The following FOXN2 variants were observed in gnomAD, a reference collection of about 807,000 sequenced individuals.
FOXN2 encodes the protein forkhead box protein N2.
Under a neutral mutation model 41.2 loss-of-function variants are expected in FOXN2, and 19 were observed. That is an observed-to-expected ratio of 0.46 (90% CI 0.32 to 0.68). The LOEUF (loss-of-function observed/expected upper bound fraction) is 0.68. Ranked by LOEUF, FOXN2 falls within the 30% of genes least tolerant of loss-of-function variation. The pLI, the probability that FOXN2 is intolerant of heterozygous loss-of-function variation, is 0.03. For synonymous variants in FOXN2, 195 were observed against 176.8 expected, an observed-to-expected ratio of 1.10 and a Z score of -0.82; for missense variants, 587 against 509.4, an observed-to-expected ratio of 1.15 and a Z score of -1.47.
Position 48,377,229 on chromosome 2 carries a change from T to A in FOXN2, c.*1786T>A, listed in dbSNP as rs1468932427. The A allele has an allele frequency of 1.3e-5, 2 of 151,984 alleles. No homozygotes were observed. The highest frequency in any genetic ancestry group is 4.8e-5 in the African/African-American group (2 of 41,448). The allele number at this position is 151,984 out of a possible 1,614,324, so 9.4% of individuals were successfully genotyped here. On this transcript the variant is annotated 3_prime_UTR_variant, in exon 7 of 7. Transcript: ENST00000340553. The stretch of plus-strand genomic sequence containing the variant: ...GGATGAGGTATTTGGGTTTTTTTTT[T>A]AGATCGATCACATCTACAGAAAATG...
At chr2:48,360,683 T>C (rs1389379888) in intron 4 of FOXN2, among the ~76,000 whole-genome samples, 1 of 152,182 alleles carries the variant, frequency 6.6e-6, no homozygotes, top group Non-Finnish European at 1.5e-5. Flanking sequence ...GAAATTGATA[T>C]CTTTATTAAT....
intron 4 of FOXN2, among the ~76,000 whole-genome samples, chr2:48,360,248 GA>G (rs1672081657): frequency 6.6e-6 from 1 of 151,934 alleles, no homozygotes. Flanking sequence ...ACCTTCATTT[GA>G]ATTGAAAATC....
At chr2:48,353,605 T>A (rs10607007) in intron 3 of FOXN2, among the ~76,000 whole-genome samples, 27,309 of 119,212 alleles carry the variant, frequency 0.23, 2,772 homozygotes, top group African/African-American at 0.25. Flanking sequence ...TGTGTGTGTG[T>A]GAAAGAGAAA....
At chr2:48,324,854 G>A (rs896371744) in intron 1 of FOXN2, among the ~76,000 whole-genome samples, 2 of 152,168 alleles carry the variant, frequency 1.3e-5, no homozygotes, top group Non-Finnish European at 2.9e-5. Context: ...GTTGGAACAC[G>A]GAGAGATTGA....
intron 3 of FOXN2, among the ~76,000 whole-genome samples, chr2:48,352,564 A>G (rs1671516577): frequency 6.6e-6 from 1 of 152,086 alleles, no homozygotes; most frequent in Non-Finnish European, 1.5e-5. Flanking sequence ...TGACTTCTAG[A>G]TCTTTCTCCT....
At chr2:48,373,399 C>A (rs774254558) in intron 6 of FOXN2, 39 bp downstream of exon 6, 10 of 1,240,620 alleles carry the variant, frequency 8.1e-6, no homozygotes, top group African/African-American at 1.5e-5. Context: ...AATTTTAGTG[C>A]CTTTTCAAAT....
rs114355814 is a variant in FOXN2, at chr2:48,368,643, G to A, written c.704-4649G>A. 3.2e-3 allele frequency among the ~76,000 whole-genome samples: 487 copies of A among 152,344 alleles called. 3 individuals carry two copies. Among genetic ancestry groups the A allele is most frequent in the Middle Eastern group, 0.02 (6 of 294 alleles). On this transcript the variant is annotated intron_variant, in intron 5 of 6. Coordinates refer to ENST00000340553, the MANE Select transcript of FOXN2 (RefSeq NM_002158.4). ...GGAGGTGAAGGTTGCAGTGAGCCAT[G>A]ATTGCACCATTGCACTCCAGCTTGG...
In FOXN2 at chr2:48,378,720, G is replaced by A. The variant is rs1347987750; in HGVS notation, c.*3277G>A. On this transcript the variant is annotated 3_prime_UTR_variant, in exon 7 of 7. Coordinates refer to ENST00000340553, the MANE Select transcript of FOXN2 (RefSeq NM_002158.4). The stretch of plus-strand genomic sequence containing the variant: ...TTTTTTTTTAGTTTGAAATGTGTAA[G>A]CTTTGATTTAAACCAAGTTTACTTC... The A allele has an allele frequency of 6.7e-6, 1 of 150,284 alleles. No individual in the cohort carries two copies. Among genetic ancestry groups the A allele is most frequent in the Non-Finnish European group, 1.5e-5 (1 of 67,568 alleles). The allele number at this position is 150,284 out of a possible 1,614,324, so 9.3% of individuals were successfully genotyped here.
chr2:48,327,598 A>G (rs1276756045), intron 1 of FOXN2, among the ~76,000 whole-genome samples: 1 of 152,120 alleles, frequency 6.6e-6, no homozygotes, highest in Non-Finnish European at 1.5e-5. Context: ...GGCATGTGCC[A>G]CCACGCCCAG....
At chr2:48,338,031 TG>T (rs1670480644) in intron 2 of FOXN2, among the ~76,000 whole-genome samples, 1 of 152,116 alleles carries the variant, frequency 6.6e-6, no homozygotes, top group Non-Finnish European at 1.5e-5. Context: ...AAACATCAAA[TG>T]AATCATTATG....
intron 3 of FOXN2, 57 bp from the exon 4 acceptor site, chr2:48,358,990 A>T: frequency 1.5e-6 from 2 of 1,312,864 alleles, no homozygotes; most frequent in Non-Finnish European, 2.2e-6. Flanking sequence ...TAAAACATTT[A>T]GACGCTGACT....
intron 3 of FOXN2, among the ~76,000 whole-genome samples, chr2:48,357,013 A>C (rs1383712770): frequency 6.6e-6 from 1 of 152,232 alleles, no homozygotes; most frequent in African/African-American, 2.4e-5. Flanking sequence ...CCAATAATAT[A>C]GGACCAAAGC....
chr2:48,366,559 G>T (rs1378119982), intron 5 of FOXN2, among the ~76,000 whole-genome samples: 1 of 152,126 alleles, frequency 6.6e-6, no homozygotes, highest in African/African-American at 2.4e-5. Context: ...GGCAAATGTA[G>T]CAGAAGTTTA....
At chr2:48,357,020 A>G (rs77779306) in intron 3 of FOXN2, among the ~76,000 whole-genome samples, 11,438 of 152,224 alleles carry the variant, frequency 0.075, 603 homozygotes, top group Non-Finnish European at 0.12. Context: ...TATAGGACCA[A>G]AGCTTTTAAG....
rs561169334 is a variant in FOXN2 at position 48,373,494 on chromosome 2, CTGTTT to C, written c.772+136_772+140del. The C allele has an allele frequency of 2.2e-4, 124 of 555,184 alleles. No homozygotes were observed. In the African/African-American group the frequency reaches 2.2e-3, roughly 10 times the overall value. 34.4% of individuals were successfully genotyped at this position (555,184 alleles called of 1,614,324 possible). On this transcript the variant is annotated intron_variant, in intron 6 of 6. Transcript: ENST00000340553. ...TATTTTGATCTGAGTAACTCAGTTT[CTGTTT>C]TATTATACTTTCATTAATTTATGTG...
chr2:48,345,807 A>T (rs1671057385), intron 2 of FOXN2, among the ~76,000 whole-genome samples: 1 of 152,216 alleles, frequency 6.6e-6, no homozygotes, highest in East Asian at 1.9e-4. Context: ...TGTATATAGT[A>T]AAATCATAGA....
chr2:48,322,422 C>T (rs1394807849), intron 1 of FOXN2, among the ~76,000 whole-genome samples: 2 of 152,120 alleles, frequency 1.3e-5, no homozygotes, highest in Admixed American at 1.3e-4. Flanking sequence ...CCTGGGTTTT[C>T]TGAAAATGAA....
chr2:48,358,867 A>T (rs1237504145), intron 3 of FOXN2, among the ~76,000 whole-genome samples, 180 bp from the exon 4 acceptor site: 1 of 129,008 alleles, frequency 7.8e-6, no homozygotes, highest in East Asian at 2.3e-4. Flanking sequence ...GAAGTTTTGT[A>T]CATCATAGGA....
chr2:48,331,875 AT>A (rs909195888), intron 2 of FOXN2, among the ~76,000 whole-genome samples: 1 of 151,254 alleles, frequency 6.6e-6, no homozygotes, highest in East Asian at 1.9e-4. Flanking sequence ...ACTTAGCTGG[AT>A]TTTTTTTGGT....
Sources: gnomAD v4.1 joint callset for allele counts (sites outside exome capture counted in the v4.1 genomes callset) on GRCh38, gnomAD v4.1.1 for gene constraint, MANE v1.5 for transcripts, NCBI Gene and HGNC (gene_info 2026-07-23, HGNC 2026-07-21) for gene names.